PCDHGB7: variants seen among roughly 807,000 people sequenced by gnomAD.
PCDHGB7 encodes the protein protocadherin gamma-B7.
A neutral mutation model predicts 61.4 loss-of-function variants in PCDHGB7; 37 were observed. The observed-to-expected ratio is 0.60, with a 90% CI of 0.46 to 0.79. The LOEUF (loss-of-function observed/expected upper bound fraction) is 0.79, where lower values mean the gene tolerates loss of function less well. Ranked by LOEUF, PCDHGB7 falls within the 30% of genes least tolerant of loss-of-function variation. PCDHGB7 has a pLI of 0.00. For missense variants in PCDHGB7, 1,166 were observed against 1,202.5 expected, an observed-to-expected ratio of 0.97 and a Z score of 0.45; for synonymous variants, 464 against 503.5, an observed-to-expected ratio of 0.92 and a Z score of 1.05.
At chr5:141,484,912 T>G (rs1594427765) in intron 1 of PCDHGB7, 1 of 437,066 alleles carries the variant, frequency 2.3e-6, no homozygotes, top group East Asian at 4.0e-5. Flanking sequence ...TGCGACGCAT[T>G]AACCCTGCTG....
chr5:141,487,491 C>A lies in PCDHGB7; in HGVS notation c.2416-7316C>A. On this transcript the variant is annotated intron_variant, in intron 1 of 3. Transcript: ENST00000398594. This position sits in a 1 kb window ranked among gnomAD's most constrained non-coding sequence, Gnocchi z 5.0. The stretch of plus-strand genomic sequence containing the variant: ...GTGGGAGGCCACTCTCATGGCTGTA[C>A]ACCCTTGGCTTCTGCACCCACTCGG... The A allele has an allele frequency of 6.2e-7, 1 of 1,614,204 alleles. No individual in the cohort carries two copies. The highest frequency in any genetic ancestry group is 8.5e-7 in the Non-Finnish European group (1 of 1,180,034).
rs1378140695 is a variant in PCDHGB7, at chr5:141,485,189, A to G, written c.2416-9618A>G. On this transcript the variant is annotated intron_variant, in intron 1 of 3. Transcript: ENST00000398594. The surrounding 1 kb of genome is among the most constrained non-coding windows in gnomAD (Gnocchi z 5.7). ...GGCGGCAGCAATGCTCCGCAAGGTGAGAAGCTGGACAGAAATCTGGCGGTG... is the reference window on the plus strand; with the variant it reads ...GGCGGCAGCAATGCTCCGCAAGGTGGGAAGCTGGACAGAAATCTGGCGGTG... 1 of 1,613,726 alleles carries G rather than the reference A, an allele frequency of 6.2e-7. No homozygotes were observed. The highest frequency in any genetic ancestry group is 1.7e-5 in the Admixed American group (1 of 60,020).
Position 141,420,289 on chromosome 5 carries a change from AT to A in PCDHGB7, c.2415+16del. The A allele has an allele frequency of 6.7e-7, 1 of 1,497,936 alleles. No individual in the cohort carries two copies. The highest frequency in any genetic ancestry group is 9.0e-7 in the Non-Finnish European group (1 of 1,111,760). 92.8% of individuals were successfully genotyped at this position (1,497,936 alleles called of 1,614,324 possible). A position where few individuals can be genotyped will look rare whatever the true frequency, so the allele number is the denominator to read the frequency against. On this transcript the variant is annotated intron_variant, in intron 1 of 3. Transcript: ENST00000398594. ...TTCTTAAACAGGTAAGTATTTAAAAATGTATTTAATCCTTTTTATATTACAA... is the reference window on the plus strand; with the variant it reads ...TTCTTAAACAGGTAAGTATTTAAAAAGTATTTAATCCTTTTTATATTACAA...
intron 1 of PCDHGB7, among the ~76,000 whole-genome samples, chr5:141,438,370 A>G (rs2097956460): frequency 1.3e-5 from 2 of 152,004 alleles, no homozygotes; most frequent in South Asian, 4.2e-4. Context: ...CATTGAGGGC[A>G]GATATAATTT....
intron 1 of PCDHGB7, among the ~76,000 whole-genome samples, chr5:141,437,156 G>A (rs2097864365): frequency 6.6e-6 from 1 of 152,172 alleles, no homozygotes. Flanking sequence ...TAACATATGT[G>A]TTGATTGTTT....
At chr5:141,475,987 C>A in intron 1 of PCDHGB7, 2 of 1,101,540 alleles carry the variant, frequency 1.8e-6, no homozygotes, top group Non-Finnish European at 2.6e-6. Flanking sequence ...AGCCGGCGAG[C>A]AAATCAACGG....
intron 1 of PCDHGB7, chr5:141,423,090 G>GT (rs2096707772): frequency 2.5e-6 from 4 of 1,613,904 alleles, no homozygotes; most frequent in African/African-American, 2.7e-5. Flanking sequence ...TCGCGGTGGG[G>GT]GAGCACACGG....
chr5:141,511,082 C>T lies in PCDHGB7; in HGVS notation c.2699C>T (p.Thr900Ile). Residue 900 changes from threonine to isoleucine, a missense_variant, in exon 4 of 4, where the codon ACA (threonine) becomes ATA (isoleucine). By Grantham distance (89) the Thr-to-Ile change is moderately conservative. Transcript: ENST00000398594. ...QNVYIPGSNA[T>I]LTNAAGKRDG... ...GTCTACATCCCAGGCAGCAATGCCA[C>T]ACTGACCAACGCAGCTGGCAAGCGG... 1 of 1,614,224 alleles carries T rather than the reference C, an allele frequency of 6.2e-7. No individual in the cohort carries two copies. Among genetic ancestry groups the T allele is most frequent in the Non-Finnish European group, 8.5e-7 (1 of 1,180,028 alleles).
chr5:141,450,413 T>G (rs549247554), intron 1 of PCDHGB7, among the ~76,000 whole-genome samples: 1 of 152,334 alleles, frequency 6.6e-6, no homozygotes, highest in African/African-American at 2.4e-5. Context: ...GCCATTTGTC[T>G]TGTATAATGC....
rs199952854 is a variant in PCDHGB7 at position 141,477,297 on chromosome 5, G to T, written c.2416-17510G>T. 4 of 1,614,176 alleles carry T rather than the reference G, an allele frequency of 2.5e-6. No individual in the cohort carries two copies. Among genetic ancestry groups the T allele is most frequent in the Non-Finnish European group, 3.4e-6 (4 of 1,180,040 alleles). On this transcript the variant is annotated intron_variant, in intron 1 of 3. Coordinates refer to ENST00000398594, the MANE Select transcript of PCDHGB7 (RefSeq NM_018927.4). The surrounding 1 kb of genome is among the most constrained non-coding windows in gnomAD (Gnocchi z 4.9). ...CTGGTGACCTGCGAAGTTCCACCGGGTCTCCCTTTCAGCCTTACTTCTTCC... is the reference window on the plus strand; with the variant it reads ...CTGGTGACCTGCGAAGTTCCACCGGTTCTCCCTTTCAGCCTTACTTCTTCC...
At chr5:141,472,219 A>C (rs2099274667) in intron 1 of PCDHGB7, among the ~76,000 whole-genome samples, 1 of 152,210 alleles carries the variant, frequency 6.6e-6, no homozygotes, top group Non-Finnish European at 1.5e-5. Context: ...CTTACTCTCG[A>C]TCATATAATA....
chr5:141,502,615 A>G (rs2099815317), intron 2 of PCDHGB7, among the ~76,000 whole-genome samples: 1 of 152,218 alleles, frequency 6.6e-6, no homozygotes, highest in Non-Finnish European at 1.5e-5. Context: ...TTGTGAAAAT[A>G]TAAGTAATCT....
In PCDHGB7 at chr5:141,431,627, C is replaced by T. The variant is rs769351473; in HGVS notation, c.2415+11353C>T. 2.5e-6 allele frequency: 4 copies of T among 1,614,076 alleles called. No homozygotes were observed. The South Asian group carries it at 4.4e-5, about 18-fold the overall frequency. On this transcript the variant is annotated intron_variant, in intron 1 of 3. Coordinates refer to ENST00000398594, the MANE Select transcript of PCDHGB7 (RefSeq NM_018927.4). The surrounding 1 kb of genome is among the most constrained non-coding windows in gnomAD (Gnocchi z 4.8). Reference sequence around the variant, plus strand: ...CCGGTATGTGGACGACAAGGCGGCCCAAGTTTTCAAACTAGATTGTAATTC... The same window carrying T: ...CCGGTATGTGGACGACAAGGCGGCCTAAGTTTTCAAACTAGATTGTAATTC...
At position 141,491,039 on chromosome 5, in the gene PCDHGB7, G is replaced by T; in HGVS notation, c.2416-3768G>T. 1 of 1,614,180 alleles carries T rather than the reference G, an allele frequency of 6.2e-7. No individual in the cohort carries two copies. The highest frequency in any genetic ancestry group is 1.1e-5 in the South Asian group (1 of 91,090). ...GTGACAGCCGTGGATGCTGATGCAGGCCACAATGCGTGGCTCTCCTACTCA... is the reference window on the plus strand; with the variant it reads ...GTGACAGCCGTGGATGCTGATGCAGTCCACAATGCGTGGCTCTCCTACTCA... On this transcript the variant is annotated intron_variant, in intron 1 of 3. Transcript: ENST00000398594. The surrounding 1 kb of genome is among the most constrained non-coding windows in gnomAD (Gnocchi z 6.9).
In PCDHGB7 at chr5:141,431,280, C is replaced by T. The variant is rs2097357763; in HGVS notation, c.2415+11006C>T. The T allele has an allele frequency of 1.9e-6, 3 of 1,614,146 alleles. No homozygotes were observed. Among genetic ancestry groups the T allele is most frequent in the South Asian group, 1.1e-5 (1 of 91,088 alleles). ...TCTCTGCAGAGCTACGAGCTCAGCC[C>T]GAACACTCACTTCTCCCTCATCGTG... On this transcript the variant is annotated intron_variant, in intron 1 of 3. Transcript: ENST00000398594. This position sits in a 1 kb window ranked among gnomAD's most constrained non-coding sequence, Gnocchi z 4.8.
intron 2 of PCDHGB7, among the ~76,000 whole-genome samples, chr5:141,503,072 C>T (rs2099817948): frequency 6.6e-6 from 1 of 151,728 alleles, no homozygotes; most frequent in Non-Finnish European, 1.5e-5. Flanking sequence ...TCAGAATGGT[C>T]TCGATCTCCT....
intron 1 of PCDHGB7, chr5:141,423,760 G>GGT: frequency 7.2e-6 from 2 of 279,662 alleles, no homozygotes; most frequent in Non-Finnish European, 1.1e-5. Context: ...TGGGGGGGGG[G>GGT]TGGGGCGGCA....
intron 3 of PCDHGB7, chr5:141,507,166 GTCC>G (rs1475125845): frequency 6.6e-5 from 10 of 152,288 alleles, no homozygotes; most frequent in Non-Finnish European, 1.2e-4. Context: ...ATGAGAGGCT[GTCC>G]TCTTCCTCGA....
rs901230493 is a variant in PCDHGB7, at chr5:141,487,514, C to T, written c.2416-7293C>T. 7 of 1,614,150 alleles carry T rather than the reference C, an allele frequency of 4.3e-6. No homozygotes were observed. The highest frequency in any genetic ancestry group is 1.1e-5 in the South Asian group (1 of 91,070). On this transcript the variant is annotated intron_variant, in intron 1 of 3. Transcript: ENST00000398594. The surrounding 1 kb of genome is among the most constrained non-coding windows in gnomAD (Gnocchi z 5.0). Reference sequence around the variant, plus strand: ...TACACCCTTGGCTTCTGCACCCACTCGGAGTGATAGCTTCATGATGGTGAA... The same window carrying T: ...TACACCCTTGGCTTCTGCACCCACTTGGAGTGATAGCTTCATGATGGTGAA...
Sources: allele counts gnomAD v4.1 joint callset (sites outside exome capture counted in the v4.1 genomes callset), GRCh38; gene constraint gnomAD v4.1.1; non-coding constraint Gnocchi (gnomAD v3.1); transcripts MANE v1.5; gene names NCBI Gene and HGNC (gene_info 2026-07-23, HGNC 2026-07-21).